Variants in RASGRP3 observed in about 807,000 individuals in gnomAD.
RASGRP3 encodes the protein ras guanyl-releasing protein 3.
In RASGRP3, 54 loss-of-function variants were observed where a neutral mutation model predicts 82.7. That is an observed-to-expected ratio of 0.65 (90% CI 0.52 to 0.82). The LOEUF (loss-of-function observed/expected upper bound fraction) is 0.82. Among genes scored for constraint, RASGRP3 ranks in the 40% least tolerant of loss-of-function variants. The pLI is 0.00. For synonymous variants in RASGRP3, 309 were observed against 300.5 expected, an observed-to-expected ratio of 1.03 and a Z score of -0.29; for missense variants, 861 against 828.9, an observed-to-expected ratio of 1.04 and a Z score of -0.48.
chr2:33,437,835 AAAAG>A (rs1308149807), intron 1 of RASGRP3, among the ~76,000 whole-genome samples: 5 of 152,238 alleles, frequency 3.3e-5, no homozygotes, highest in African/African-American at 9.6e-5. Context: ...GTTAAAAAAA[AAAAG>A]AGAGGGAAAT....
At chr2:33,514,985 TTC>T in intron 2 of RASGRP3, 23 bp from the exon 3 acceptor site, 1 of 684,120 alleles carries the variant, frequency 1.5e-6, no homozygotes. Flanking sequence ...TCTAATAACT[TTC>T]TCTCTTTTTT....
chr2:33,444,924 CA>C (rs1457759107), intron 1 of RASGRP3, among the ~76,000 whole-genome samples: 1 of 152,104 alleles, frequency 6.6e-6, no homozygotes, highest in African/African-American at 2.4e-5. Flanking sequence ...AATCGAGTTC[CA>C]AAAACCATTA....
chr2:33,526,496 T>A (rs1345421778), intron 9 of RASGRP3, among the ~76,000 whole-genome samples: 1 of 152,184 alleles, frequency 6.6e-6, no homozygotes, highest in Non-Finnish European at 1.5e-5. Context: ...AGATCTCAAG[T>A]AAAAAGCAAA....
At chr2:33,516,219 C>G (rs1671450315) in intron 3 of RASGRP3, among the ~76,000 whole-genome samples, 1 of 152,078 alleles carries the variant, frequency 6.6e-6, no homozygotes, top group African/African-American at 2.4e-5. Flanking sequence ...ACCAGCCTGA[C>G]CAATATGGTG....
chr2:33,443,752 G>T (rs918107973), intron 1 of RASGRP3, among the ~76,000 whole-genome samples: 4 of 147,544 alleles, frequency 2.7e-5, no homozygotes, highest in African/African-American at 1.0e-4. Context: ...ATGGTGGTAC[G>T]TGCTTATAGT....
At chr2:33,537,927 G>A (rs1467443132) in intron 11 of RASGRP3, among the ~76,000 whole-genome samples, 2 of 152,272 alleles carry the variant, frequency 1.3e-5, no homozygotes, top group Admixed American at 6.5e-5. Flanking sequence ...ACCAAAGAGG[G>A]CCAGAGAGAC....
At chr2:33,480,144 A>G (rs2150934671) in intron 1 of RASGRP3, among the ~76,000 whole-genome samples, 2 of 148,652 alleles carry the variant, frequency 1.3e-5, no homozygotes, top group Non-Finnish European at 3.0e-5. Context: ...CAGGATTCAC[A>G]CCATTCTCCT....
chr2:33,503,403 C>T (rs1012753850), intron 1 of RASGRP3, among the ~76,000 whole-genome samples: 2 of 152,022 alleles, frequency 1.3e-5, no homozygotes, highest in African/African-American at 4.8e-5. Context: ...TAGTTGATGT[C>T]TTAGATGGGA....
chr2:33,529,517 A>G (rs1672908947), intron 10 of RASGRP3, among the ~76,000 whole-genome samples: 1 of 146,456 alleles, frequency 6.8e-6, no homozygotes, highest in African/African-American at 2.5e-5. Context: ...AGTACAAATG[A>G]AAAAAATCTG....
chr2:33,552,980 T>C (rs1300409170), intron 14 of RASGRP3, among the ~76,000 whole-genome samples: 1 of 152,206 alleles, frequency 6.6e-6, no homozygotes, highest in African/African-American at 2.4e-5. Context: ...CTACTGTTCT[T>C]GGCAGGCACA....
In RASGRP3 at chr2:33,515,161, G is replaced by A. The variant is rs529397346; in HGVS notation, c.25G>A (p.Ala9Thr). Residue 9 changes from alanine (A) to threonine (T), a missense_variant, in exon 3 of 18, where the codon GCA becomes ACA. Ala to Thr is a moderately conservative substitution (Grantham distance 58, BLOSUM62 0). Coordinates refer to ENST00000403687, the MANE Select transcript of RASGRP3 (RefSeq NM_001139488.2). ...CATGGGATCAAGTGGCCTTGGGAAA[G>A]CAGCAACATTAGATGAACTGCTGTG... MGSSGLGK[A>T]ATLDELLCTC... 1.5e-5 allele frequency: 24 copies of A among 1,613,988 alleles called. No homozygotes were observed. The South Asian group carries it at 2.2e-4, about 15-fold the overall frequency.
At chr2:33,448,826 A>T (rs922701887) in intron 2 of RASGRP3, among the ~76,000 whole-genome samples, 5 of 152,210 alleles carry the variant, frequency 3.3e-5, no homozygotes, top group Non-Finnish European at 5.9e-5. Flanking sequence ...TATGTTATAT[A>T]TATTTATTAC....
At chr2:33,523,671 G>A (rs111670294) in intron 7 of RASGRP3, among the ~76,000 whole-genome samples, 7 of 152,106 alleles carry the variant, frequency 4.6e-5, no homozygotes, top group African/African-American at 7.2e-5. Context: ...GTGTCTTTGC[G>A]TGGGGTGAGT....
rs116597167 is a variant in RASGRP3 at position 33,510,678 on chromosome 2, T to C, written c.-260-1032T>C. ...AAAAGGAGACCCTTTCCCTGAGCAC[T>C]CAGCGTTCTGCAGGCTCCGTGATGG... On this transcript the variant is annotated intron_variant, in intron 1 of 17. Transcript: ENST00000403687. Among the ~76,000 whole-genome samples the C allele has an allele frequency of 2.3e-3, 344 of 152,316 alleles. 1 individual carries two copies. The highest frequency in any genetic ancestry group is 3.7e-3 in the Non-Finnish European group (255 of 68,020).
chr2:33,488,172 C>T (rs1325186670), intron 1 of RASGRP3, among the ~76,000 whole-genome samples: 1 of 152,190 alleles, frequency 6.6e-6, no homozygotes, highest in African/African-American at 2.4e-5. Context: ...TACAGAGCAG[C>T]CACATCCTAC....
chr2:33,464,363 A>G (rs927432999), intron 2 of RASGRP3, among the ~76,000 whole-genome samples: 6 of 149,206 alleles, frequency 4.0e-5, no homozygotes, highest in African/African-American at 9.9e-5. Flanking sequence ...CAGGCAATCT[A>G]CCCACCTCAG....
At chr2:33,504,961 G>C (rs527903707) in intron 1 of RASGRP3, among the ~76,000 whole-genome samples, 2 of 152,260 alleles carry the variant, frequency 1.3e-5, no homozygotes, top group South Asian at 4.2e-4. Context: ...AGACCTCATT[G>C]CATTTTTTGG....
At chr2:33,556,938 T>A (rs1676047756) in intron 15 of RASGRP3, among the ~76,000 whole-genome samples, 1 of 115,528 alleles carries the variant, frequency 8.7e-6, no homozygotes, top group Non-Finnish European at 1.9e-5. Context: ...CGCAATTTTA[T>A]AAAGATGAAA....
chr2:33,448,448 G>C (rs1665615353), intron 2 of RASGRP3, among the ~76,000 whole-genome samples: 1 of 152,166 alleles, frequency 6.6e-6, no homozygotes, highest in Non-Finnish European at 1.5e-5. Context: ...TAAACAAAAT[G>C]TGGCATAGAC....
Sources: allele counts gnomAD v4.1 joint callset (sites outside exome capture counted in the v4.1 genomes callset), GRCh38; gene constraint gnomAD v4.1.1; transcripts MANE v1.5; gene names NCBI Gene and HGNC (gene_info 2026-07-23, HGNC 2026-07-21).